The following SACS variants were observed in gnomAD, a reference collection of about 807,000 sequenced individuals.
The protein encoded by SACS is sacsin.
In SACS, 197 loss-of-function variants were observed where a neutral mutation model predicts 348.0. The ratio of observed to expected loss-of-function variants is 0.57; its 90% confidence interval spans 0.50 to 0.64. SACS has a LOEUF of 0.64. SACS is among the 30% of genes least tolerant of loss of function. SACS has a pLI of 0.00. For synonymous variants in SACS, 1,985 were observed against 1,910.6 expected, an observed-to-expected ratio of 1.04 and a Z score of -1.02; for missense variants, 4,999 against 5,360.8, an observed-to-expected ratio of 0.93 and a Z score of 2.11.
intron 1 of SACS, among the ~76,000 whole-genome samples, chr13:23,419,902 G>A (rs74040106): frequency 3.9e-5 from 6 of 152,266 alleles, no homozygotes; most frequent in East Asian, 1.9e-4. Flanking sequence ...CCCTAGGGAC[G>A]CAGTATCCAC....
intron 2 of SACS, among the ~76,000 whole-genome samples, chr13:23,405,714 T>C (rs1244891533): frequency 6.6e-6 from 1 of 151,548 alleles, no homozygotes; most frequent in East Asian, 1.9e-4. Context: ...AAAAACCCCA[T>C]TAAAAAGTGG....
intron 2 of SACS, among the ~76,000 whole-genome samples, chr13:23,375,752 A>C (rs1344413436): frequency 1.8e-5 from 2 of 109,158 alleles, no homozygotes; most frequent in African/African-American, 3.5e-5. Context: ...GCCCCGCCCC[A>C]CTCGCCCACC....
rs1267832858 is a variant in SACS at position 23,417,924 on chromosome 13, C to T, written c.-501-6184G>A. On this transcript the variant is annotated intron_variant, in intron 1 of 9. Transcript: ENST00000382292. ...TCTCTACAAAAAATACAAAAATTAGCCAGGCATGGTGGCACGCACTTGTAG... is the reference window on the plus strand; with the variant it reads ...TCTCTACAAAAAATACAAAAATTAGTCAGGCATGGTGGCACGCACTTGTAG... Among the ~76,000 whole-genome samples the T allele has an allele frequency of 3.3e-5, 5 of 151,816 alleles. No homozygotes were observed. The East Asian group carries it at 7.7e-4, about 23-fold the overall frequency.
intron 7 of SACS, among the ~76,000 whole-genome samples, chr13:23,356,350 C>CT (rs1180606637): frequency 5.3e-5 from 8 of 152,312 alleles, no homozygotes; most frequent in Middle Eastern, 3.4e-3. Flanking sequence ...CAGAACAGGA[C>CT]TGCATCCTAT....
intron 1 of SACS, among the ~76,000 whole-genome samples, chr13:23,421,316 C>A (rs554171691): frequency 6.6e-6 from 1 of 152,052 alleles, no homozygotes. Context: ...AGGTATACCC[C>A]TGGGGCTTGA....
At chr13:23,356,647 G>C (rs955690312) in intron 7 of SACS, among the ~76,000 whole-genome samples, 1 of 152,238 alleles carries the variant, frequency 6.6e-6, no homozygotes, top group East Asian at 1.9e-4. Context: ...ACCAAGGACA[G>C]AGTAGTATTC....
chr13:23,373,631 C>G (rs1871538114), intron 3 of SACS: 1 of 152,854 alleles, frequency 6.5e-6, no homozygotes. Context: ...CGCCTCCCAT[C>G]TCTACTAAAA....
intron 5 of SACS, among the ~76,000 whole-genome samples, chr13:23,366,862 A>C (rs1322918263): frequency 6.6e-6 from 1 of 152,228 alleles, no homozygotes; most frequent in Non-Finnish European, 1.5e-5. Flanking sequence ...CTGTTTCAGC[A>C]AACACAAATA....
chr13:23,337,831 G>A lies in SACS; in HGVS notation c.6045C>T (p.Tyr2015=). Residue 2015 remains tyrosine (Y), a synonymous_variant, in exon 10 of 10, where the codon TAC becomes TAT. Transcript: ENST00000382292. ...GGTTTTTGGACCCAGTCTTCTTGAG[G>A]TATTTCAAAAATATCTTGAAGGCTG... is the stretch of plus-strand genomic sequence containing the variant. ...GSAAFKIFLK[Y]LKKTGSKNLC... The A allele has an allele frequency of 6.2e-7, 1 of 1,613,896 alleles. No homozygotes were observed. Among genetic ancestry groups the A allele is most frequent in the South Asian group, 1.1e-5 (1 of 91,078 alleles).
At chr13:23,368,085 T>C (rs1871172308) in intron 5 of SACS, among the ~76,000 whole-genome samples, 1 of 151,862 alleles carries the variant, frequency 6.6e-6, no homozygotes, top group African/African-American at 2.4e-5. Flanking sequence ...GCTGGTTGGT[T>C]GGTTGGTTGG....
At chr13:23,417,790 C>T (rs748872300) in intron 1 of SACS, among the ~76,000 whole-genome samples, 24 of 152,002 alleles carry the variant, frequency 1.6e-4, no homozygotes, top group African/African-American at 4.1e-4. Flanking sequence ...ACTACAAGGC[C>T]GGGTGCGGTG....
chr13:23,409,039 A>ATTTTTT (rs1474798713), intron 2 of SACS, among the ~76,000 whole-genome samples: 1 of 66,814 alleles, frequency 1.5e-5, no homozygotes, highest in African/African-American at 5.9e-5. Flanking sequence ...AACAAGTTTT[A>ATTTTTT]CTTTTTTTTT....
Position 23,335,419 on chromosome 13 carries a change from T to C in SACS, c.8457A>G (p.Leu2819=). 1 of 1,613,960 alleles carries C rather than the reference T, an allele frequency of 6.2e-7. No homozygotes were observed. The highest frequency in any genetic ancestry group is 1.1e-5 in the South Asian group (1 of 91,088). The change falls in exon 10 of 10, where the codon CTA becomes CTG. Residue 2819 remains leucine (L), a synonymous_variant. Coordinates refer to ENST00000382292, the MANE Select transcript of SACS (RefSeq NM_014363.6). The surrounding 1 kb of genome is among the most constrained non-coding windows in gnomAD (Gnocchi z 4.7). The part of the protein sequence containing the change: ...EDSEGNLTTW[L]ICNRSGFSSM... The stretch of plus-strand genomic sequence containing the variant: ...TTGAAAAGCCTGATCTATTACAAAT[T>C]AGCCACGTAGTAAGATTTCCTTCAG...
At chr13:23,353,181 C>T (rs1428454817) in intron 9 of SACS, among the ~76,000 whole-genome samples, 1 of 152,186 alleles carries the variant, frequency 6.6e-6, no homozygotes, top group Non-Finnish European at 1.5e-5. Flanking sequence ...TAAAAGGACA[C>T]CTATCAGACA....
In SACS at chr13:23,340,216, G is replaced by C; in HGVS notation, c.3660C>G (p.Ser1220Arg). 3 of 1,610,650 alleles carry C rather than the reference G, an allele frequency of 1.9e-6. No individual in the cohort carries two copies. The highest frequency in any genetic ancestry group is 2.5e-6 in the Non-Finnish European group (3 of 1,178,050). The change falls in exon 10 of 10, where the codon AGC becomes AGG. Residue 1220 changes from serine (S) to arginine (R), a missense_variant. Physicochemically the swap from Ser to Arg is moderately radical, Grantham distance 110. Around this residue, in one of 6 missense-constraint regions of SACS, gnomAD observed 3,156 missense variants for 3,380.1 expected, o/e 0.93. Transcript: ENST00000382292. The stretch of plus-strand genomic sequence containing the variant: ...TAAAGTGTTTTAAGACAGCACTAAG[G>C]CTAGGTTTTGTGAAGATCCCTAATG... ...EKALGIFTKP[S>R]LSAVLKHFKI... is the part of the protein sequence containing the mutation.
chr13:23,389,855 G>A (rs998485299), intron 2 of SACS, among the ~76,000 whole-genome samples: 18 of 152,168 alleles, frequency 1.2e-4, no homozygotes, highest in African/African-American at 4.1e-4. Flanking sequence ...CAGGGAGTTG[G>A]GGGATGGACA....
At chr13:23,357,181 C>T (rs1035546397) in intron 7 of SACS, among the ~76,000 whole-genome samples, 11 of 152,182 alleles carry the variant, frequency 7.2e-5, no homozygotes, top group Admixed American at 2.6e-4. Flanking sequence ...TGGGCTCTCA[C>T]GCCACAGTTC....
At position 23,331,198 on chromosome 13, in the gene SACS, CTGATA is replaced by C. The variant is rs775863207; in HGVS notation, c.12673_12677del (p.Tyr4225AspfsTer6). Reference sequence around the variant, plus strand: ...TATATTCACTATAACCAATATCTATCTGATATATCTTTCCTAGAAAACTAGAATTG... The same window carrying C: ...TATATTCACTATAACCAATATCTATCTATCTTTCCTAGAAAACTAGAATTG... On this transcript the variant is annotated frameshift_variant, in exon 10 of 10. Transcript: ENST00000382292. LOFTEE classifies it high-confidence loss of function. The C allele has an allele frequency of 1.1e-5, 18 of 1,613,430 alleles. No individual in the cohort carries two copies. Among genetic ancestry groups the C allele is most frequent in the East Asian group, 2.2e-5 (1 of 44,900 alleles).
At chr13:23,375,039 C>A in intron 3 of SACS, 80 bp downstream of exon 3, 1 of 1,307,548 alleles carries the variant, frequency 7.6e-7, no homozygotes, top group Admixed American at 4.2e-5. Context: ...CGGAAACCTG[C>A]GTCGCCCACC....
Sources: allele counts gnomAD v4.1 joint callset (sites outside exome capture counted in the v4.1 genomes callset), GRCh38; gene constraint gnomAD v4.1.1; regional missense constraint gnomAD v4.1.1; non-coding constraint Gnocchi (gnomAD v3.1); transcripts MANE v1.5; gene names NCBI Gene and HGNC (gene_info 2026-07-23, HGNC 2026-07-21).